Variants in SCFD1 observed in about 807,000 individuals in gnomAD.
SCFD1 encodes sec1 family domain containing 1.
Under a neutral mutation model 103.2 loss-of-function variants are expected in SCFD1, and 37 were observed. The ratio of observed to expected loss-of-function variants is 0.36; its 90% CI spans 0.28 to 0.47. The LOEUF (loss-of-function observed/expected upper bound fraction) is 0.47. SCFD1 is among the 20% of genes least tolerant of loss of function. SCFD1 has a pLI of 1.00. For synonymous variants in SCFD1, 264 were observed against 245.0 expected (o/e 1.08, Z -0.73); for missense variants, 639 against 761.2 (o/e 0.84, Z 1.89).
At chr14:30,719,504 T>G (rs1324012844) in intron 21 of SCFD1, 127 bp downstream of exon 21, 2 of 661,408 alleles carry the variant, frequency 3.0e-6, no homozygotes, top group African/African-American at 3.8e-5. Flanking sequence ...GAAACAAGGA[T>G]GTATAATCTC....
At chr14:30,722,050 C>G (rs1162497976) in intron 22 of SCFD1, 133 bp downstream of exon 22, 4 of 600,390 alleles carry the variant, frequency 6.7e-6, no homozygotes, top group Non-Finnish European at 1.2e-5. Context: ...TTATATTTTT[C>G]TAATTTATAA....
intron 3 of SCFD1, among the ~76,000 whole-genome samples, chr14:30,633,468 A>G (rs1268564667): frequency 6.6e-6 from 1 of 152,138 alleles, no homozygotes; most frequent in Non-Finnish European, 1.5e-5. Context: ...TAAAAAATAT[A>G]TTTGATTTCA....
intron 14 of SCFD1, among the ~76,000 whole-genome samples, chr14:30,692,392 A>G (rs754315505): frequency 2.0e-5 from 3 of 152,178 alleles, no homozygotes; most frequent in Non-Finnish European, 4.4e-5. Context: ...TGCTGTTGAT[A>G]CACAGATAAG....
intron 14 of SCFD1, among the ~76,000 whole-genome samples, chr14:30,679,710 A>G (rs1228534866): frequency 6.7e-6 from 1 of 150,222 alleles, no homozygotes. Flanking sequence ...ACATTAACTG[A>G]CTTTGATTAA....
rs1885086150 is a variant in SCFD1, at chr14:30,639,794, C to G, written c.453C>G (p.Leu151=). The part of the protein sequence containing the change: ...TQVAKVFDQY[L]NFITLEDDMF... ...GTTTCTAGGTTTTTGACCAATATCT[C>G]AATTTTATTACTTTGGAAGATGATA... is the stretch of plus-strand genomic sequence containing the variant. Residue 151 remains leucine (L), a synonymous_variant, in exon 6 of 25, where the codon CTC becomes CTG. Coordinates refer to ENST00000458591, the MANE Select transcript of SCFD1 (RefSeq NM_016106.4). The G allele has an allele frequency of 1.9e-6, 3 of 1,576,862 alleles. No individual in the cohort carries two copies. The highest frequency in any genetic ancestry group is 2.6e-6 in the Non-Finnish European group (3 of 1,161,758).
At chr14:30,692,433 G>A (rs1182585243) in intron 14 of SCFD1, among the ~76,000 whole-genome samples, 2 of 152,142 alleles carry the variant, frequency 1.3e-5, no homozygotes, top group African/African-American at 4.8e-5. Flanking sequence ...CCAAGGAGGA[G>A]ACTGGGAGAG....
intron 19 of SCFD1, among the ~76,000 whole-genome samples, chr14:30,710,402 A>G (rs1010874929): frequency 6.7e-6 from 1 of 150,370 alleles, no homozygotes; most frequent in Non-Finnish European, 1.5e-5. Flanking sequence ...GGAATGGTTC[A>G]TTTTATATTA....
intron 16 of SCFD1, among the ~76,000 whole-genome samples, chr14:30,701,743 G>A (rs534329291): frequency 5.9e-5 from 9 of 151,702 alleles, no homozygotes; most frequent in Non-Finnish European, 1.2e-4. Context: ...TTAAGTGATC[G>A]TTAAGATAGG....
chr14:30,710,332 T>TAAAA (rs397853428), intron 19 of SCFD1, among the ~76,000 whole-genome samples: 20 of 82,010 alleles, frequency 2.4e-4, no homozygotes, highest in African/African-American at 4.3e-4. Flanking sequence ...GCCATGTCAT[T>TAAAA]AAAAAAAAAA....
chr14:30,724,038 G>A (rs1477450755), intron 23 of SCFD1, among the ~76,000 whole-genome samples: 1 of 129,752 alleles, frequency 7.7e-6, no homozygotes, highest in Non-Finnish European at 1.6e-5. Flanking sequence ...ATGTGTATAA[G>A]TGTTCCCTTT....
intron 10 of SCFD1, among the ~76,000 whole-genome samples, chr14:30,664,508 G>C (rs1887742235): frequency 6.6e-6 from 1 of 152,160 alleles, no homozygotes; most frequent in African/African-American, 2.4e-5. Flanking sequence ...AAGGATTGCA[G>C]CTCCTCGCCA....
intron 23 of SCFD1, among the ~76,000 whole-genome samples, chr14:30,729,294 C>T (rs1005825273): frequency 2.0e-4 from 30 of 151,978 alleles, no homozygotes; most frequent in African/African-American, 6.3e-4. Context: ...CTGGGCTTTT[C>T]GTGGCATATC....
intron 17 of SCFD1, among the ~76,000 whole-genome samples, chr14:30,702,660 G>A (rs1230803862): frequency 6.6e-6 from 1 of 152,130 alleles, no homozygotes; most frequent in Non-Finnish European, 1.5e-5. Context: ...AAGGCATTAA[G>A]AGGAAATTTT....
intron 16 of SCFD1, 135 bp downstream of exon 16, chr14:30,700,393 C>G: frequency 1.5e-6 from 1 of 673,948 alleles, no homozygotes. Context: ...AGAAAAATGG[C>G]CAGGCGTGGT....
intron 3 of SCFD1, among the ~76,000 whole-genome samples, chr14:30,632,047 A>G (rs200467642): frequency 5.3e-4 from 19 of 36,020 alleles, no homozygotes; most frequent in East Asian, 4.4e-3. Flanking sequence ...GATTCTGTTG[A>G]AAAAAAAAAA....
chr14:30,695,203 G>A (rs550546467), intron 15 of SCFD1, among the ~76,000 whole-genome samples: 18 of 152,212 alleles, frequency 1.2e-4, no homozygotes, highest in East Asian at 3.9e-4. Context: ...TAAGTGATTC[G>A]CTTCCTAATT....
At chr14:30,639,536 T>G (rs965452526) in intron 5 of SCFD1, among the ~76,000 whole-genome samples, 1 of 152,196 alleles carries the variant, frequency 6.6e-6, no homozygotes, top group Non-Finnish European at 1.5e-5. Context: ...AAATTTTGTT[T>G]TCTGAAAATG....
intron 14 of SCFD1, among the ~76,000 whole-genome samples, chr14:30,681,939 A>G (rs940788154): frequency 2.0e-5 from 3 of 152,210 alleles, no homozygotes; most frequent in African/African-American, 7.2e-5. Flanking sequence ...AAGGTAGCCA[A>G]GTCTATCGCC....
At chr14:30,727,472 G>A (rs1166892479) in intron 23 of SCFD1, among the ~76,000 whole-genome samples, 1 of 152,160 alleles carries the variant, frequency 6.6e-6, no homozygotes, top group East Asian at 1.9e-4. Context: ...GCATCATCAA[G>A]ATTCAGACAA....
Sources: allele counts gnomAD v4.1 joint callset (sites outside exome capture counted in the v4.1 genomes callset), GRCh38; gene constraint gnomAD v4.1.1; transcripts MANE v1.5; gene names NCBI Gene and HGNC (gene_info 2026-07-23, HGNC 2026-07-21).